The following UGGT1 variants were observed in gnomAD, a reference collection of about 807,000 sequenced individuals.
UGGT1 encodes the protein UDP-glucose glycoprotein glucosyltransferase 1.
In UGGT1, 107 loss-of-function variants were observed where a neutral mutation model predicts 203.9. That is an observed-to-expected ratio of 0.52 (90% CI 0.45 to 0.62). UGGT1 has a LOEUF of 0.62. Ranked by LOEUF, UGGT1 falls within the 20% of genes least tolerant of loss-of-function variation. The pLI is 0.00. For synonymous variants in UGGT1, 628 were observed against 653.5 expected (o/e 0.96, Z 0.59); for missense variants, 1,673 against 1,867.2 (o/e 0.90, Z 1.92).
chr2:128,126,785 C>T (rs1374185739), intron 11 of UGGT1, among the ~76,000 whole-genome samples: 4 of 147,180 alleles, frequency 2.7e-5, no homozygotes, highest in Admixed American at 7.0e-5. Flanking sequence ...TGGGTTCGAG[C>T]GGTTCTTGTG....
intron 24 of UGGT1, 92 bp downstream of exon 24, chr2:128,160,683 C>T (rs1690483228): frequency 6.7e-7 from 1 of 1,482,708 alleles, no homozygotes; most frequent in Admixed American, 2.8e-5. Context: ...CAGACAGAGC[C>T]ACTCTTTTTT....
intron 15 of UGGT1, among the ~76,000 whole-genome samples, chr2:128,136,000 C>T (rs1689113988): frequency 1.3e-5 from 2 of 152,162 alleles, no homozygotes; most frequent in African/African-American, 4.8e-5. Context: ...GAAGTTGGGT[C>T]GTGGTACACA....
chr2:128,156,341 A>G, intron 20 of UGGT1, 51 bp from the exon 21 acceptor site: 1 of 1,428,144 alleles, frequency 7.0e-7, no homozygotes, highest in South Asian at 1.2e-5. Flanking sequence ...GTAGGCATTC[A>G]TTCCAGAAAT....
chr2:128,174,493 G>A (rs1218330815), intron 30 of UGGT1, among the ~76,000 whole-genome samples: 1 of 151,986 alleles, frequency 6.6e-6, no homozygotes, highest in African/African-American at 2.4e-5. Flanking sequence ...TAGAGATGGG[G>A]TTTCACCATG....
At chr2:128,123,697 T>C (rs1255431827) in intron 11 of UGGT1, among the ~76,000 whole-genome samples, 1 of 152,180 alleles carries the variant, frequency 6.6e-6, no homozygotes, top group Non-Finnish European at 1.5e-5. Context: ...ATCCATCTTC[T>C]CAATATTGGA....
chr2:128,170,199 T>C lies in UGGT1; in HGVS notation c.2922-89T>C, dbSNP rs73955966. On this transcript the variant is annotated intron_variant, in intron 26 of 40. Transcript: ENST00000259253. ...TTTCTAGATCTAAAGTTCTTTGAAA[T>C]GCTAAGAAGGTTGAAGGTTATATTG... The C allele has an allele frequency of 1.1e-3, 1,165 of 1,020,380 alleles. 7 individuals carry two copies. In the African/African-American group the frequency reaches 0.014, roughly 12 times the overall value. The allele number at this position is 1,020,380 out of a possible 1,614,324, so 63.2% of individuals were successfully genotyped here.
At chr2:128,161,848 T>TA (rs1690543157) in intron 25 of UGGT1, among the ~76,000 whole-genome samples, 1 of 152,238 alleles carries the variant, frequency 6.6e-6, no homozygotes, top group African/African-American at 2.4e-5. Context: ...CATTGTTACA[T>TA]ATATGTAGTT....
rs770153704 is a variant in UGGT1 at position 128,113,209 on chromosome 2, C to T, written c.647C>T (p.Ser216Leu). 3.1e-6 allele frequency: 5 copies of T among 1,612,464 alleles called. No homozygotes were observed. The African/African-American group carries it at 6.7e-5, about 22-fold the overall frequency. The part of the protein sequence containing the change: ...EFSNFHRQLI[S>L]KSNAGKINYV... ...TCCAATTTTCACCGCCAGCTTATAT[C>T]AAAAAGCAATGCAGGCAAAATCAAT... is the stretch of plus-strand genomic sequence containing the variant. The change falls in exon 6 of 41, where the codon TCA (serine) becomes TTA (leucine). Residue 216 changes from serine to leucine, a missense_variant. Transcript: ENST00000259253.
chr2:128,157,710 GGGGGCAGTAGCACA>G (rs1411929569), intron 22 of UGGT1, among the ~76,000 whole-genome samples: 2 of 152,218 alleles, frequency 1.3e-5, no homozygotes, highest in East Asian at 1.9e-4. Flanking sequence ...GTCTGGACAT[GGGGGCAGTAGCACA>G]CAGGAATGGT....
intron 2 of UGGT1, among the ~76,000 whole-genome samples, chr2:128,102,752 T>C (rs1687436651): frequency 6.6e-6 from 1 of 152,214 alleles, no homozygotes; most frequent in Non-Finnish European, 1.5e-5. Context: ...CTTAGTCTGA[T>C]TGAATCTTAG....
rs902539453 is a variant in UGGT1 at position 128,195,307 on chromosome 2, C to T, written c.*5565C>T. On this transcript the variant is annotated 3_prime_UTR_variant, in exon 41 of 41. Coordinates refer to ENST00000259253, the MANE Select transcript of UGGT1 (RefSeq NM_020120.4). The stretch of plus-strand genomic sequence containing the variant: ...GAGATTTCCAGAGAAATGGGCATAA[C>T]GTCTCTTAACAACAACAGCAGAAAG... 9.2e-5 allele frequency: 14 copies of T among 152,162 alleles called. No homozygotes were observed. Among genetic ancestry groups the T allele is most frequent in the African/African-American group, 2.9e-4 (12 of 41,440 alleles). The allele number at this position is 152,162 out of a possible 1,614,324, so 9.4% of individuals were successfully genotyped here. A position where few individuals can be genotyped will look rare whatever the true frequency, so the allele number is the denominator to read the frequency against.
At chr2:128,099,843 G>A (rs1687284839) in intron 2 of UGGT1, among the ~76,000 whole-genome samples, 1 of 152,038 alleles carries the variant, frequency 6.6e-6, no homozygotes, top group Admixed American at 6.6e-5. Flanking sequence ...TATTATGGGG[G>A]AAAAAAGCCC....
intron 11 of UGGT1, 132 bp from the exon 12 acceptor site, chr2:128,127,229 A>G (rs1038793447): frequency 1.6e-6 from 1 of 644,618 alleles, no homozygotes; most frequent in African/African-American, 1.8e-5. Flanking sequence ...TTGAATCCCA[A>G]CAGCATCTTG....
intron 1 of UGGT1, among the ~76,000 whole-genome samples, chr2:128,096,772 A>G (rs2105330931): frequency 6.6e-6 from 1 of 152,312 alleles, no homozygotes; most frequent in African/African-American, 2.4e-5. Context: ...ATTTTCATCT[A>G]TCTCAGCTTT....
At chr2:128,188,206 T>C (rs986086780) in intron 40 of UGGT1, among the ~76,000 whole-genome samples, 5 of 151,768 alleles carry the variant, frequency 3.3e-5, no homozygotes, top group African/African-American at 1.2e-4. Flanking sequence ...TTTATTTATT[T>C]TTTATTTTTT....
At chr2:128,151,135 G>A in intron 18 of UGGT1, 1 of 412,608 alleles carries the variant, frequency 2.4e-6, no homozygotes, top group Non-Finnish European at 4.6e-6. Flanking sequence ...ATAGGCATGA[G>A]CCATTGCACC....
At chr2:128,172,543 A>AT (rs1691160356) in intron 28 of UGGT1, 30 bp from the exon 29 acceptor site, 2 of 1,611,674 alleles carry the variant, frequency 1.2e-6, no homozygotes, top group Non-Finnish European at 1.7e-6. Flanking sequence ...CACATCGAAA[A>AT]TTATCTAACA....
At chr2:128,154,963 G>A (rs1383027457) in intron 19 of UGGT1, among the ~76,000 whole-genome samples, 2 of 152,148 alleles carry the variant, frequency 1.3e-5, no homozygotes, top group Non-Finnish European at 2.9e-5. Flanking sequence ...AATGAGGATT[G>A]CCCTTTGACA....
At position 128,120,753 on chromosome 2, in the gene UGGT1, C is replaced by T. The variant is rs529691837; in HGVS notation, c.973+297C>T. On this transcript the variant is annotated intron_variant, in intron 9 of 40. Transcript: ENST00000259253. Reference sequence around the variant, plus strand: ...CCTAAGTTCCTATATATATACATTTCTTCAACTGTTTATCTATAGAGTGTT... The same window carrying T: ...CCTAAGTTCCTATATATATACATTTTTTCAACTGTTTATCTATAGAGTGTT... Among the ~76,000 whole-genome samples the T allele has an allele frequency of 9.9e-4, 150 of 152,200 alleles. 1 individual carries two copies. The highest frequency in any genetic ancestry group is 3.5e-3 in the African/African-American group (144 of 41,526).
Sources: gnomAD v4.1 joint callset for allele counts (sites outside exome capture counted in the v4.1 genomes callset) on GRCh38, gnomAD v4.1.1 for gene constraint, MANE v1.5 for transcripts, NCBI Gene and HGNC (gene_info 2026-07-23, HGNC 2026-07-21) for gene names.